The following FBXL17 variants were observed in gnomAD, a reference collection of about 807,000 sequenced individuals.
FBXL17 encodes F-box/LRR-repeat protein 17.
In FBXL17, 22 loss-of-function variants were observed where a neutral mutation model predicts 66.2. That is an observed-to-expected ratio of 0.33 (90% confidence interval 0.24 to 0.47). The LOEUF (loss-of-function observed/expected upper bound fraction) is 0.47, where lower values mean the gene tolerates loss of function less well. Among genes scored for constraint, FBXL17 ranks in the 20% least tolerant of loss-of-function variants. The pLI is 1.00. For synonymous variants in FBXL17, 474 were observed against 400.5 expected, an observed-to-expected ratio of 1.18 and a Z score of -2.19; for missense variants, 878 against 948.2, an observed-to-expected ratio of 0.93 and a Z score of 0.97.
intron 6 of FBXL17, among the ~76,000 whole-genome samples, chr5:108,167,590 A>G (rs1052487365): frequency 1.3e-5 from 2 of 152,202 alleles, no homozygotes; most frequent in Admixed American, 6.5e-5. Flanking sequence ...AATTTATGTA[A>G]TTGCTCTGAG....
At chr5:108,340,802 T>C (rs1040416949) in intron 4 of FBXL17, among the ~76,000 whole-genome samples, 2 of 152,212 alleles carry the variant, frequency 1.3e-5, no homozygotes, top group African/African-American at 4.8e-5. Flanking sequence ...ACCCAACATT[T>C]ATTGAATGTC....
At chr5:107,875,210 G>A (rs752194949) in intron 8 of FBXL17, among the ~76,000 whole-genome samples, 2 of 151,898 alleles carry the variant, frequency 1.3e-5, no homozygotes, top group Non-Finnish European at 2.9e-5. Context: ...AGGCAGGGAA[G>A]AGGAGAGTCC....
chr5:108,224,799 T>A (rs865943686), intron 4 of FBXL17, among the ~76,000 whole-genome samples: 1 of 152,128 alleles, frequency 6.6e-6, no homozygotes, highest in Non-Finnish European at 1.5e-5. Flanking sequence ...TGTTTTGTTT[T>A]GTATTTTTAG....
At chr5:107,965,909 T>C (rs557383690) in intron 7 of FBXL17, among the ~76,000 whole-genome samples, 31 of 152,272 alleles carry the variant, frequency 2.0e-4, no homozygotes, top group African/African-American at 7.2e-4. Flanking sequence ...TTTGGTGATA[T>C]TTTTCCCCTT....
chr5:107,890,108 C>G (rs765536054), intron 7 of FBXL17, among the ~76,000 whole-genome samples: 3 of 152,092 alleles, frequency 2.0e-5, no homozygotes, highest in Non-Finnish European at 4.4e-5. Context: ...TTCAATGATT[C>G]TTTTTTATTC....
chr5:107,908,922 CT>C (rs1316212317), intron 7 of FBXL17, among the ~76,000 whole-genome samples: 3 of 152,308 alleles, frequency 2.0e-5, no homozygotes, highest in Admixed American at 6.5e-5. Context: ...TGAACTCCTT[CT>C]GAAATGGTTC....
intron 7 of FBXL17, among the ~76,000 whole-genome samples, chr5:107,981,599 G>A (rs115265532): frequency 1.7e-3 from 266 of 152,330 alleles, no homozygotes; most frequent in Non-Finnish European, 3.1e-3. Context: ...CTGGTCTAAC[G>A]GAACACTTCT....
chr5:108,098,302 G>GCA (rs1262367541), intron 6 of FBXL17, among the ~76,000 whole-genome samples: 2 of 151,996 alleles, frequency 1.3e-5, no homozygotes, highest in African/African-American at 4.8e-5. Flanking sequence ...AGATGGTGAA[G>GCA]GCTGCAGTGA....
At chr5:108,152,491 T>G (rs1054121561) in intron 6 of FBXL17, among the ~76,000 whole-genome samples, 9 of 152,224 alleles carry the variant, frequency 5.9e-5, no homozygotes, top group South Asian at 2.1e-4. Flanking sequence ...CAGGCATACT[T>G]TCTTCTATAT....
chr5:108,020,440 T>C (rs1172408709), intron 7 of FBXL17, among the ~76,000 whole-genome samples: 2 of 152,004 alleles, frequency 1.3e-5, no homozygotes, highest in Non-Finnish European at 2.9e-5. Context: ...TATAAATGTA[T>C]ACCCTTTACT....
At chr5:108,309,471 ACAAT>A (rs1401486408) in intron 4 of FBXL17, among the ~76,000 whole-genome samples, 3 of 152,008 alleles carry the variant, frequency 2.0e-5, no homozygotes, top group African/African-American at 7.2e-5. Context: ...AACAAAGGAA[ACAAT>A]CAAGATGCCT....
intron 6 of FBXL17, among the ~76,000 whole-genome samples, chr5:108,125,244 C>T (rs183607022): frequency 9.9e-5 from 15 of 152,054 alleles, no homozygotes; most frequent in South Asian, 6.2e-4. Flanking sequence ...AAACATTATA[C>T]GCCTATATCA....
chr5:107,910,851 A>G (rs1467285996), intron 7 of FBXL17, among the ~76,000 whole-genome samples: 2 of 152,092 alleles, frequency 1.3e-5, no homozygotes, highest in Non-Finnish European at 2.9e-5. Context: ...AATATGAAAT[A>G]GCTTTGTTGA....
chr5:108,124,489 C>G (rs764144184), intron 6 of FBXL17, among the ~76,000 whole-genome samples: 12 of 151,946 alleles, frequency 7.9e-5, no homozygotes, highest in Non-Finnish European at 1.8e-4. Context: ...TAAGCAAATT[C>G]AAGAATTTTA....
intron 6 of FBXL17, among the ~76,000 whole-genome samples, chr5:108,161,011 C>T (rs1752190165): frequency 6.6e-6 from 1 of 152,094 alleles, no homozygotes; most frequent in Admixed American, 6.5e-5. Flanking sequence ...GCCTTTAAGC[C>T]TCCACATTGG....
intron 8 of FBXL17, among the ~76,000 whole-genome samples, chr5:107,866,901 GC>G (rs1748290928): frequency 6.6e-6 from 1 of 152,056 alleles, no homozygotes; most frequent in African/African-American, 2.4e-5. Context: ...GTATATTCTT[GC>G]CCATTAGAAT....
intron 6 of FBXL17, among the ~76,000 whole-genome samples, chr5:108,097,714 G>A (rs1047868061): frequency 4.6e-5 from 7 of 151,816 alleles, no homozygotes; most frequent in African/African-American, 1.5e-4. Context: ...ATTTGAACCC[G>A]GGAGGCGGAA....
rs144074220 is a variant in FBXL17, at chr5:108,033,564, T to C, written c.1746-12563A>G. Among the ~76,000 whole-genome samples, 25 of 151,352 alleles carry C rather than the reference T, an allele frequency of 1.7e-4. No individual in the cohort carries two copies. The East Asian group carries it at 4.6e-3, about 28-fold the overall frequency. Reference sequence around the variant, plus strand: ...TTTGTTACTTTGTTTTATTTTACAGTAGCTTAGTTTTATCCATTTTCTTTT... The same window carrying C: ...TTTGTTACTTTGTTTTATTTTACAGCAGCTTAGTTTTATCCATTTTCTTTT... On this transcript the variant is annotated intron_variant, in intron 6 of 8. Coordinates refer to ENST00000542267, the MANE Select transcript of FBXL17 (RefSeq NM_001163315.3).
chr5:108,348,621 C>A, intron 3 of FBXL17, 91 bp from the exon 4 acceptor site: 1 of 1,338,862 alleles, frequency 7.5e-7, no homozygotes, highest in South Asian at 1.3e-5. Context: ...TGAAAATAAC[C>A]ACGTCAGAGT....
Sources: gnomAD v4.1 joint callset for allele counts (sites outside exome capture counted in the v4.1 genomes callset) on GRCh38, gnomAD v4.1.1 for gene constraint, MANE v1.5 for transcripts, NCBI Gene and HGNC (gene_info 2026-07-23, HGNC 2026-07-21) for gene names.